The following SPMIP2 variants were observed in gnomAD, a reference collection of about 807,000 sequenced individuals.
SPMIP2 encodes protein SPMIP2.
At chr4:158,974,529 C>T in the SPMIP2 span, among the ~76,000 whole-genome samples, 2 of 151,680 alleles carry the variant, frequency 1.3e-5, no homozygotes, top group African/African-American at 4.8e-5. Flanking sequence ...CATTGTTTAA[C>T]TCCCACTTAT....
chr4:158,899,896 AT>A, the SPMIP2 span, among the ~76,000 whole-genome samples: 9 of 151,948 alleles, frequency 5.9e-5, no homozygotes, highest in East Asian at 1.7e-3. Context: ...TAGCTTTTGA[AT>A]TTGTTTGCTC....
chr4:159,028,534 T>A, the SPMIP2 span, among the ~76,000 whole-genome samples: 1 of 152,110 alleles, frequency 6.6e-6, no homozygotes, highest in East Asian at 1.9e-4. Context: ...TCTCTCTGTG[T>A]TGCCCAGGCT....
chr4:158,951,472 G>T, the SPMIP2 span, among the ~76,000 whole-genome samples: 7 of 152,178 alleles, frequency 4.6e-5, no homozygotes, highest in Non-Finnish European at 1.0e-4. Flanking sequence ...ATATAGTATT[G>T]TAACCTTATG....
the SPMIP2 span, among the ~76,000 whole-genome samples, chr4:159,020,825 T>G: frequency 1.5e-4 from 23 of 152,158 alleles, no homozygotes; most frequent in East Asian, 1.9e-3. Context: ...GCAGTGGCGC[T>G]ATCTCGGCTC....
At chr4:158,960,360 A>C in the SPMIP2 span, 1 of 1,458,008 alleles carries the variant, frequency 6.9e-7, no homozygotes, top group Non-Finnish European at 9.5e-7. Flanking sequence ...AAAGGAAGAA[A>C]ATTAATGTAC....
chr4:158,903,180 G>A, the SPMIP2 span, among the ~76,000 whole-genome samples: 1 of 152,194 alleles, frequency 6.6e-6, no homozygotes, highest in African/African-American at 2.4e-5. Context: ...GCAGTATCCA[G>A]ACTGCAGTGC....
chr4:159,020,823 G>A, the SPMIP2 span, among the ~76,000 whole-genome samples: 63 of 152,198 alleles, frequency 4.1e-4, no homozygotes, highest in African/African-American at 1.5e-3. Flanking sequence ...GTGCAGTGGC[G>A]CTATCTCGGC....
At chr4:159,070,832 T>C in the SPMIP2 span, among the ~76,000 whole-genome samples, 1 of 152,154 alleles carries the variant, frequency 6.6e-6, no homozygotes, top group Non-Finnish European at 1.5e-5. Flanking sequence ...AGAATATATG[T>C]TTATGTGGCA....
the SPMIP2 span, among the ~76,000 whole-genome samples, chr4:158,986,671 A>G: frequency 6.6e-6 from 1 of 152,214 alleles, no homozygotes. Context: ...CTAAAACCAT[A>G]AAAACCCTAG....
the SPMIP2 span, among the ~76,000 whole-genome samples, chr4:158,898,682 T>A: frequency 6.6e-6 from 1 of 152,228 alleles, no homozygotes; most frequent in Non-Finnish European, 1.5e-5. Context: ...GCACATTGAT[T>A]TTGTATCCTG....
chr4:158,935,892 G>A, the SPMIP2 span, among the ~76,000 whole-genome samples: 19 of 152,190 alleles, frequency 1.2e-4, no homozygotes, highest in African/African-American at 3.9e-4. Context: ...GGGACCCGCC[G>A]GGGCTGCTGC....
chr4:158,907,988 G>A, the SPMIP2 span: 1 of 152,100 alleles, frequency 6.6e-6, no homozygotes, highest in South Asian at 2.1e-4. Flanking sequence ...ACTTGTTTAT[G>A]TATTATTTTG....
the SPMIP2 span, among the ~76,000 whole-genome samples, chr4:158,941,883 T>C: frequency 6.6e-6 from 1 of 152,160 alleles, no homozygotes; most frequent in African/African-American, 2.4e-5. Context: ...CATTACCATA[T>C]GGTTCTAATG....
chr4:158,893,330 A>C, the SPMIP2 span: 1 of 185,736 alleles, frequency 5.4e-6, no homozygotes, highest in African/African-American at 2.3e-5. Flanking sequence ...ACTCTTTCAA[A>C]GCCTTAATTT....
the SPMIP2 span, among the ~76,000 whole-genome samples, chr4:158,968,335 A>G: frequency 6.6e-6 from 1 of 152,132 alleles, no homozygotes; most frequent in Non-Finnish European, 1.5e-5. Flanking sequence ...GGCCTCAACT[A>G]TTTATTTTGA....
At chr4:159,026,106 A>G in the SPMIP2 span, 7 of 235,296 alleles carry the variant, frequency 3.0e-5, no homozygotes, top group Admixed American at 3.2e-4. Flanking sequence ...TGCTCCACAC[A>G]CCCTCCTATG....
At chr4:158,965,670 A>G in the SPMIP2 span, among the ~76,000 whole-genome samples, 1 of 81,722 alleles carries the variant, frequency 1.2e-5, no homozygotes, top group South Asian at 4.0e-4. Context: ...TTTCTATTTA[A>G]AAAAAAAAAA....
At chr4:158,935,398 T>C in the SPMIP2 span, among the ~76,000 whole-genome samples, 5 of 152,038 alleles carry the variant, frequency 3.3e-5, no homozygotes, top group Admixed American at 6.6e-5. Context: ...CCACAGACCA[T>C]TGTTCATACC....
chr4:158,947,589 T>C, the SPMIP2 span, among the ~76,000 whole-genome samples: 5 of 152,210 alleles, frequency 3.3e-5, no homozygotes. Context: ...AGTAAGTTGA[T>C]AGTGCCACTG....
Sources: gnomAD v4.1 joint callset for allele counts (sites outside exome capture counted in the v4.1 genomes callset) on GRCh38, gnomAD v4.1.1 for gene constraint, MANE v1.5 for transcripts, NCBI Gene and HGNC (gene_info 2026-07-23, HGNC 2026-07-21) for gene names.